DYNC1LI1: variants seen among roughly 807,000 people sequenced by gnomAD.
DYNC1LI1 encodes the protein dynein cytoplasmic 1 light intermediate chain 1, also known as cytoplasmic dynein 1 light intermediate chain 1.
A neutral mutation model predicts 63.8 loss-of-function variants in DYNC1LI1; 19 were observed. The observed-to-expected ratio is 0.30, with a 90% CI of 0.21 to 0.44. DYNC1LI1 has a LOEUF of 0.44. Among genes scored for constraint, DYNC1LI1 ranks in the 20% least tolerant of loss-of-function variants. The probability of loss-of-function intolerance (pLI) is 1.00; values close to 1 mark genes in which losing one functional copy is unlikely to be tolerated. For missense variants in DYNC1LI1, 565 were observed against 630.2 expected, an observed-to-expected ratio of 0.90 and a Z score of 1.11; for synonymous variants, 225 against 232.3, an observed-to-expected ratio of 0.97 and a Z score of 0.28.
intron 5 of DYNC1LI1, among the ~76,000 whole-genome samples, chr3:32,540,524 A>G (rs1697865530): frequency 6.6e-6 from 1 of 151,972 alleles, no homozygotes; most frequent in South Asian, 2.1e-4. Context: ...TACTAAAAAT[A>G]CAAAAAATTA....
rs944529007 is a variant in DYNC1LI1, at chr3:32,570,821, T to G, written c.-51A>C. ...GGCAAGACTAAATGTGCGAGGCGGC[T>G]GAGGCGGTGGCGGTGGAGGCGGCGG... On this transcript the variant is annotated 5_prime_UTR_variant, in exon 1 of 13. Coordinates refer to ENST00000273130, the MANE Select transcript of DYNC1LI1 (RefSeq NM_016141.4). 1.9e-6 allele frequency: 3 copies of G among 1,538,884 alleles called. No homozygotes were observed. The highest frequency in any genetic ancestry group is 1.9e-5 in the Admixed American group (1 of 53,806).
chr3:32,536,702 C>T (rs1427598846), intron 6 of DYNC1LI1, among the ~76,000 whole-genome samples: 1 of 152,200 alleles, frequency 6.6e-6, no homozygotes, highest in East Asian at 1.9e-4. Context: ...CCAATAAATA[C>T]AGTTTTTTAA....
intron 5 of DYNC1LI1, among the ~76,000 whole-genome samples, chr3:32,539,112 C>A (rs752390941): frequency 1.3e-5 from 2 of 152,048 alleles, no homozygotes; most frequent in Non-Finnish European, 2.9e-5. Context: ...CAGCTCTTCA[C>A]CAACCAAAAC....
At chr3:32,529,416 T>A in intron 11 of DYNC1LI1, 124 bp downstream of exon 11, 1 of 854,836 alleles carries the variant, frequency 1.2e-6, no homozygotes, top group East Asian at 2.9e-5. Flanking sequence ...TATATATCCA[T>A]AGAGACAAAG....
Position 32,545,106 on chromosome 3 carries a change from T to C in DYNC1LI1, c.338A>G (p.Asp113Gly). 6.3e-7 allele frequency: 1 copy of C among 1,598,728 alleles called. No homozygotes were observed. The highest frequency in any genetic ancestry group is 8.6e-7 in the Non-Finnish European group (1 of 1,166,158). ...YLNVHDEDRD[D>G]QTRCNVWILD... ...GATCCAAACATTACATCTTGTTTGA[T>C]CTACAACAGACAAAACAAAGTAACC... The change falls in exon 4 of 13, where the codon GAT (aspartate) becomes GGT (glycine). Residue 113 changes from aspartate to glycine, a missense_variant and splice_region_variant. Transcript: ENST00000273130.
At chr3:32,544,763 T>C in intron 4 of DYNC1LI1, 113 bp downstream of exon 4, 2 of 717,186 alleles carry the variant, frequency 2.8e-6, no homozygotes, top group South Asian at 3.8e-5. Context: ...AAAAAAGTAC[T>C]TACAATATGC....
At chr3:32,550,893 G>A (rs1486150329) in intron 2 of DYNC1LI1, among the ~76,000 whole-genome samples, 1 of 151,938 alleles carries the variant, frequency 6.6e-6, no homozygotes, top group Non-Finnish European at 1.5e-5. Context: ...TTTGGGAGCC[G>A]AGGCAGGTGG....
intron 2 of DYNC1LI1, among the ~76,000 whole-genome samples, chr3:32,549,965 G>A (rs1698009575): frequency 6.6e-6 from 1 of 152,108 alleles, no homozygotes; most frequent in South Asian, 2.1e-4. Context: ...ATAAGCAAAA[G>A]AATAGAAATC....
rs1697624545 is a variant in DYNC1LI1, at chr3:32,526,791, T to G, written c.*8A>C. On this transcript the variant is annotated 3_prime_UTR_variant, in exon 13 of 13. Coordinates refer to ENST00000273130, the MANE Select transcript of DYNC1LI1 (RefSeq NM_016141.4). ...AGAAAACAGAATAAATGGCTTTATT[T>G]GGTATCTTCAAGAAGCTTCTCCTTC... The G allele has an allele frequency of 2.8e-5, 44 of 1,583,670 alleles. No homozygotes were observed. The highest frequency in any genetic ancestry group is 3.7e-5 in the Non-Finnish European group (43 of 1,153,270).
At chr3:32,555,560 C>T (rs1330919534) in intron 2 of DYNC1LI1, among the ~76,000 whole-genome samples, 1 of 152,182 alleles carries the variant, frequency 6.6e-6, no homozygotes, top group Non-Finnish European at 1.5e-5. Context: ...CAAAACTTAA[C>T]ATTTGGCCTC....
At chr3:32,530,675 A>G (rs1376536860) in intron 8 of DYNC1LI1, 155 bp from the exon 9 acceptor site, 8 of 653,788 alleles carry the variant, frequency 1.2e-5, no homozygotes, top group Non-Finnish European at 1.8e-5. Flanking sequence ...GCCCTACCCA[A>G]GGCCTTCAGC....
intron 2 of DYNC1LI1, among the ~76,000 whole-genome samples, chr3:32,553,275 G>A (rs1477376839): frequency 6.6e-6 from 1 of 152,118 alleles, no homozygotes; most frequent in African/African-American, 2.4e-5. Flanking sequence ...AATCAAGGCT[G>A]CAGTAAGCTG....
intron 4 of DYNC1LI1, among the ~76,000 whole-genome samples, chr3:32,542,168 TGCAGC>T: frequency 6.6e-6 from 1 of 152,284 alleles, no homozygotes; most frequent in African/African-American, 2.4e-5. Flanking sequence ...CATGCTGGAG[TGCAGC>T]GGTGCAATCA....
At chr3:32,541,454 T>C (rs75777492) in intron 4 of DYNC1LI1, among the ~76,000 whole-genome samples, 2,970 of 152,284 alleles carry the variant, frequency 0.02, 42 homozygotes, top group South Asian at 0.041. Flanking sequence ...TAGACCTGGC[T>C]CAATTTATGC....
intron 2 of DYNC1LI1, among the ~76,000 whole-genome samples, chr3:32,560,360 G>A (rs549451753): frequency 2.0e-4 from 30 of 152,306 alleles, no homozygotes; most frequent in Admixed American, 2.6e-4. Flanking sequence ...TTGAACCAGG[G>A]AGACGGAGGT....
At chr3:32,531,788 T>A (rs1316508676) in intron 8 of DYNC1LI1, 1 of 152,208 alleles carries the variant, frequency 6.6e-6, no homozygotes, top group Admixed American at 6.5e-5. Flanking sequence ...TTGATATATA[T>A]GTCAAGATTA....
chr3:32,537,047 A>T lies in DYNC1LI1; in HGVS notation c.796T>A (p.Phe266Ile), dbSNP rs202157852. 1 of 1,600,390 alleles carries T rather than the reference A, an allele frequency of 6.2e-7. No homozygotes were observed. The highest frequency in any genetic ancestry group is 8.5e-7 in the Non-Finnish European group (1 of 1,173,926). The change falls in exon 6 of 13, where the codon TTT becomes ATT. Residue 266 changes from phenylalanine to isoleucine, a missense_variant. Coordinates refer to ENST00000273130, the MANE Select transcript of DYNC1LI1 (RefSeq NM_016141.4). ...EHDYRDEHFD[F>I]IQSHIRKFCL... Reference sequence around the variant, plus strand: ...AACTTCCGGATATGTGACTGAATAAAATCAAAATGTTCATCTCTGTAGTCA... The same window carrying T: ...AACTTCCGGATATGTGACTGAATAATATCAAAATGTTCATCTCTGTAGTCA...
At chr3:32,534,718 GC>G in intron 6 of DYNC1LI1, 72 bp from the exon 7 acceptor site, 1 of 1,249,952 alleles carries the variant, frequency 8.0e-7, no homozygotes, top group Non-Finnish European at 1.1e-6. Flanking sequence ...TGTGTTTTCA[GC>G]TTAACTTTTA....
At chr3:32,535,099 G>A (rs894412573) in intron 6 of DYNC1LI1, among the ~76,000 whole-genome samples, 19 of 152,058 alleles carry the variant, frequency 1.2e-4, no homozygotes, top group Admixed American at 1.0e-3. Context: ...AAGACTTCAG[G>A]GATAAGGCTC....
Sources: gnomAD v4.1 joint callset for allele counts (sites outside exome capture counted in the v4.1 genomes callset) on GRCh38, gnomAD v4.1.1 for gene constraint, MANE v1.5 for transcripts, NCBI Gene and HGNC (gene_info 2026-07-23, HGNC 2026-07-21) for gene names.